Variants in NRXN3 observed in about 807,000 individuals in gnomAD.
NRXN3 encodes neurexin 3.
In NRXN3, 32 loss-of-function variants were observed where a neutral mutation model predicts 137.6. That is an observed-to-expected ratio of 0.23 (90% CI 0.18 to 0.31). The LOEUF is 0.31. Among genes scored for constraint, NRXN3 ranks in the 10% least tolerant of loss-of-function variants. The pLI is 1.00. For synonymous variants in NRXN3, 798 were observed against 784.5 expected (o/e 1.02, Z -0.29); for missense variants, 1,574 against 2,062.5 (o/e 0.76, Z 4.59).
At chr14:79,736,568 G>C (rs575852978) in intron 19 of NRXN3, among the ~76,000 whole-genome samples, 1 of 152,278 alleles carries the variant, frequency 6.6e-6, no homozygotes, top group Admixed American at 6.5e-5. Context: ...ACACCAGGTC[G>C]TGGGGGTGAC....
At chr14:79,376,783 G>A (rs759903592) in intron 15 of NRXN3, among the ~76,000 whole-genome samples, 8 of 152,122 alleles carry the variant, frequency 5.3e-5, no homozygotes, top group Non-Finnish European at 1.0e-4. Flanking sequence ...ACATGATTAC[G>A]ATGCATATGG....
intron 4 of NRXN3, among the ~76,000 whole-genome samples, chr14:78,631,417 C>T (rs1053315493): frequency 1.3e-5 from 2 of 152,194 alleles, no homozygotes; most frequent in African/African-American, 4.8e-5. Context: ...GGATCTCCTA[C>T]CACAGTTGAG....
chr14:78,844,125 G>A (rs144918406), intron 10 of NRXN3, among the ~76,000 whole-genome samples: 8 of 152,170 alleles, frequency 5.3e-5, no homozygotes, highest in Non-Finnish European at 1.0e-4. Context: ...AGTTTCAGGT[G>A]GTGCTCAGCA....
intron 15 of NRXN3, among the ~76,000 whole-genome samples, chr14:79,261,051 TAAGA>T (rs1286268981): frequency 6.6e-5 from 10 of 152,000 alleles, no homozygotes; most frequent in African/African-American, 2.2e-4. Flanking sequence ...GATTCAAAGG[TAAGA>T]AAGGGGCTCC....
chr14:79,706,953 G>A (rs2098782728), intron 19 of NRXN3, among the ~76,000 whole-genome samples: 1 of 152,078 alleles, frequency 6.6e-6, no homozygotes, highest in South Asian at 2.1e-4. Context: ...CTCTTAACCT[G>A]TCTATTCTCA....
chr14:78,945,766 C>T (rs556293109), intron 10 of NRXN3, among the ~76,000 whole-genome samples: 12 of 152,316 alleles, frequency 7.9e-5, no homozygotes, highest in East Asian at 1.9e-4. Flanking sequence ...TATTTCCCAC[C>T]GGCATTAATA....
intron 16 of NRXN3, chr14:79,661,890 C>A (rs563342236): frequency 6.6e-6 from 1 of 152,076 alleles, no homozygotes; most frequent in Non-Finnish European, 1.5e-5. Context: ...TGTGTTCCCA[C>A]GCAAATCTCA....
At chr14:78,988,763 G>GTATA (rs10658037) in intron 15 of NRXN3, among the ~76,000 whole-genome samples, 1,924 of 145,212 alleles carry the variant, frequency 0.013, 26 homozygotes, top group African/African-American at 0.042. Context: ...ATGTATGTGT[G>GTATA]TATATATATG....
At chr14:78,658,974 T>A (rs551772480) in intron 6 of NRXN3, among the ~76,000 whole-genome samples, 1 of 152,204 alleles carries the variant, frequency 6.6e-6, no homozygotes, top group East Asian at 1.9e-4. Flanking sequence ...GAGCTAACTA[T>A]TGGCTTGTCA....
chr14:78,253,461 C>T (rs1282797491), intron 2 of NRXN3, among the ~76,000 whole-genome samples: 2 of 152,212 alleles, frequency 1.3e-5, no homozygotes, highest in African/African-American at 2.4e-5. Context: ...ATTGCTTGAG[C>T]CCAGGAGTTT....
chr14:79,438,196 C>T (rs1297844267), intron 15 of NRXN3, among the ~76,000 whole-genome samples: 1 of 152,204 alleles, frequency 6.6e-6, no homozygotes, highest in Non-Finnish European at 1.5e-5. Flanking sequence ...CTGGACTCCC[C>T]TTTCCCTCTG....
intron 8 of NRXN3, among the ~76,000 whole-genome samples, chr14:78,773,634 T>C (rs971133304): frequency 3.9e-5 from 6 of 152,184 alleles, no homozygotes; most frequent in African/African-American, 1.2e-4. Context: ...TTCAATAGTC[T>C]TTTCCAGCTC....
intron 15 of NRXN3, among the ~76,000 whole-genome samples, chr14:79,362,955 A>T (rs772734460): frequency 2.0e-5 from 3 of 152,174 alleles, no homozygotes; most frequent in Non-Finnish European, 4.4e-5. Context: ...TTGCAGATGC[A>T]TGTGATAGAT....
At chr14:79,780,199 ATTAT>A (rs1027097681) in intron 19 of NRXN3, among the ~76,000 whole-genome samples, 6 of 151,840 alleles carry the variant, frequency 4.0e-5, no homozygotes, top group Non-Finnish European at 8.8e-5. Flanking sequence ...TGAGGAGGTA[ATTAT>A]TTGTTTGTTG....
chr14:78,859,508 T>C (rs951966320), intron 10 of NRXN3, among the ~76,000 whole-genome samples: 1 of 152,190 alleles, frequency 6.6e-6, no homozygotes, highest in African/African-American at 2.4e-5. Flanking sequence ...TCCATGTGGT[T>C]GAGCTTGGCG....
intron 6 of NRXN3, among the ~76,000 whole-genome samples, chr14:78,687,527 A>G (rs974890994): frequency 3.3e-5 from 5 of 152,238 alleles, no homozygotes; most frequent in African/African-American, 4.8e-5. Context: ...TTATTAGTCA[A>G]GATAAGCTAG....
chr14:79,611,486 G>C (rs1038341011), intron 16 of NRXN3: 6 of 152,350 alleles, frequency 3.9e-5, no homozygotes, highest in African/African-American at 1.4e-4. Context: ...TGTAGTCCCA[G>C]CTACCTGGGA....
At chr14:79,181,761 G>T (rs2062954683) in intron 15 of NRXN3, among the ~76,000 whole-genome samples, 1 of 151,800 alleles carries the variant, frequency 6.6e-6, no homozygotes, top group African/African-American at 2.4e-5. Context: ...TGTGCACAGG[G>T]TGGGGCATCT....
At chr14:78,966,787 C>T (rs2152995916) in intron 12 of NRXN3, among the ~76,000 whole-genome samples, 1 of 152,310 alleles carries the variant, frequency 6.6e-6, no homozygotes, top group East Asian at 1.9e-4. Flanking sequence ...TTAAATCCTA[C>T]CATTAGCCCA....
Sources: allele counts gnomAD v4.1 joint callset (sites outside exome capture counted in the v4.1 genomes callset), GRCh38; gene constraint gnomAD v4.1.1; transcripts MANE v1.5; gene names NCBI Gene and HGNC (gene_info 2026-07-23, HGNC 2026-07-21).